Variants in NRXN1 observed in about 807,000 individuals in gnomAD.
The protein encoded by NRXN1 is neurexin-1.
NRXN1 carries 39 observed loss-of-function variants against 150.9 expected under a neutral mutation model. The ratio of observed to expected loss-of-function variants is 0.26; its 90% CI spans 0.20 to 0.34. The LOEUF (loss-of-function observed/expected upper bound fraction) is 0.34, where lower values mean the gene tolerates loss of function less well. NRXN1 is among the 10% of genes least tolerant of loss of function. NRXN1 has a pLI of 1.00. For synonymous variants in NRXN1, 924 were observed against 757.0 expected, an observed-to-expected ratio of 1.22 and a Z score of -3.62; for missense variants, 1,815 against 1,949.9, an observed-to-expected ratio of 0.93 and a Z score of 1.30.
chr2:50,687,951 T>C (rs1431046006), intron 5 of NRXN1, among the ~76,000 whole-genome samples: 1 of 152,154 alleles, frequency 6.6e-6, no homozygotes, highest in African/African-American at 2.4e-5. Context: ...AGATATCCTC[T>C]TCTTCATATC....
At chr2:50,357,302 A>ATTTATTTTTTTTT (rs59536239) in intron 17 of NRXN1, among the ~76,000 whole-genome samples, 3 of 142,900 alleles carry the variant, frequency 2.1e-5, no homozygotes, top group Middle Eastern at 7.1e-3. Flanking sequence ...TTATTTATTT[A>ATTTATTTTTTTTT]TTTTTTTTTT....
At chr2:50,871,078 G>C (rs899144349) in intron 5 of NRXN1, among the ~76,000 whole-genome samples, 5 of 151,758 alleles carry the variant, frequency 3.3e-5, no homozygotes, top group African/African-American at 1.2e-4. Flanking sequence ...TAGCATATAG[G>C]ATAAATCTTT....
intron 5 of NRXN1, among the ~76,000 whole-genome samples, chr2:50,767,749 A>C (rs1330608844): frequency 1.3e-5 from 2 of 152,110 alleles, no homozygotes; most frequent in Non-Finnish European, 2.9e-5. Context: ...TCACCTAGGC[A>C]ATTTATGTTA....
intron 18 of NRXN1, among the ~76,000 whole-genome samples, chr2:50,191,114 C>T (rs537624029): frequency 2.0e-5 from 3 of 151,994 alleles, no homozygotes; most frequent in African/African-American, 7.3e-5. Flanking sequence ...CTATAACCTC[C>T]GCCTCCCAGG....
chr2:50,922,981 A>G (rs2104295460), intron 3 of NRXN1, among the ~76,000 whole-genome samples: 1 of 151,924 alleles, frequency 6.6e-6, no homozygotes, highest in African/African-American at 2.4e-5. Flanking sequence ...CAAACCCCTC[A>G]ATATTACATC....
At chr2:50,048,140 A>C (rs747950844) in intron 21 of NRXN1, among the ~76,000 whole-genome samples, 6 of 152,198 alleles carry the variant, frequency 3.9e-5, no homozygotes, top group Non-Finnish European at 7.3e-5. Flanking sequence ...TGTTGCTTAC[A>C]CGCATTTAAA....
At chr2:50,209,588 G>A (rs2062862340) in intron 18 of NRXN1, among the ~76,000 whole-genome samples, 1 of 151,998 alleles carries the variant, frequency 6.6e-6, no homozygotes, top group African/African-American at 2.4e-5. Context: ...CATGGCATAG[G>A]TACTTAAATA....
At position 50,272,660 on chromosome 2, in the gene NRXN1, C is replaced by A. The variant is rs536961349; in HGVS notation, c.3365-35690G>T. 7.8e-4 allele frequency among the ~76,000 whole-genome samples: 118 copies of A among 152,172 alleles called. 2 individuals carry two copies. The South Asian group carries it at 0.024, about 31-fold the overall frequency. ...AAAACTATGGCATAAATAAAATCCA[C>A]TCCAACAGTTAATTCTTCCTCTTTC... On this transcript the variant is annotated intron_variant, in intron 17 of 22. Transcript: ENST00000401669.
At chr2:50,541,175 T>C (rs1442544992) in intron 9 of NRXN1, among the ~76,000 whole-genome samples, 1 of 152,172 alleles carries the variant, frequency 6.6e-6, no homozygotes, top group Non-Finnish European at 1.5e-5. Flanking sequence ...AATATACATA[T>C]ATATAAACAT....
chr2:50,494,768 C>T (rs960701502), intron 15 of NRXN1, among the ~76,000 whole-genome samples: 2 of 152,160 alleles, frequency 1.3e-5, no homozygotes, highest in African/African-American at 4.8e-5. Context: ...TGCAGTGGCT[C>T]ACACCTGTAA....
At chr2:50,894,485 C>T (rs1681610865) in intron 5 of NRXN1, among the ~76,000 whole-genome samples, 3 of 151,730 alleles carry the variant, frequency 2.0e-5, no homozygotes, top group Admixed American at 2.0e-4. Context: ...CCTATTTTCC[C>T]CATGTTTTTC....
intron 18 of NRXN1, among the ~76,000 whole-genome samples, chr2:50,139,501 C>T (rs1359223043): frequency 6.6e-6 from 1 of 152,000 alleles, no homozygotes. Context: ...AAAGTTAGGG[C>T]AAAAGTATGA....
chr2:50,367,179 T>C (rs183694600), intron 17 of NRXN1, among the ~76,000 whole-genome samples: 1 of 152,078 alleles, frequency 6.6e-6, no homozygotes, highest in East Asian at 1.9e-4. Flanking sequence ...AGAATAAGGC[T>C]ATCCTCGTCT....
chr2:50,851,156 C>T (rs1235907836), intron 5 of NRXN1, among the ~76,000 whole-genome samples: 1 of 151,948 alleles, frequency 6.6e-6, no homozygotes, highest in Non-Finnish European at 1.5e-5. Flanking sequence ...GAAGAGTCAC[C>T]ATGCAGTCAC....
chr2:50,060,900 T>C (rs1694430177), intron 19 of NRXN1, among the ~76,000 whole-genome samples: 2 of 151,970 alleles, frequency 1.3e-5, no homozygotes, highest in African/African-American at 4.9e-5. Flanking sequence ...CTAGTATTTC[T>C]TCAAAGCAGT....
chr2:49,956,390 T>G (rs1674948674), intron 21 of NRXN1, among the ~76,000 whole-genome samples: 11 of 152,154 alleles, frequency 7.2e-5, no homozygotes, highest in Admixed American at 7.2e-4. Context: ...CATGTTAACT[T>G]TTTTGGAAAA....
chr2:50,140,749 A>C (rs1490913521), intron 18 of NRXN1, among the ~76,000 whole-genome samples: 2 of 151,378 alleles, frequency 1.3e-5, no homozygotes, highest in African/African-American at 2.4e-5. Context: ...AGTTTCGAAT[A>C]TTTTCAGTGT....
chr2:50,777,358 C>T (rs1212386957), intron 5 of NRXN1, among the ~76,000 whole-genome samples: 2 of 151,972 alleles, frequency 1.3e-5, no homozygotes, highest in African/African-American at 4.8e-5. Context: ...TAAAAGCAAA[C>T]ATTTTGTGGT....
At chr2:50,294,444 A>C (rs2073322934) in intron 17 of NRXN1, among the ~76,000 whole-genome samples, 1 of 152,240 alleles carries the variant, frequency 6.6e-6, no homozygotes, top group Admixed American at 6.5e-5. Flanking sequence ...CAGAAATAGC[A>C]AATAGTAATT....
Sources: gnomAD v4.1 joint callset for allele counts (sites outside exome capture counted in the v4.1 genomes callset) on GRCh38, gnomAD v4.1.1 for gene constraint, MANE v1.5 for transcripts, NCBI Gene and HGNC (gene_info 2026-07-23, HGNC 2026-07-21) for gene names.